The following SCAP variants were observed in gnomAD, a reference collection of about 807,000 sequenced individuals.
SCAP encodes sterol regulatory element-binding protein cleavage-activating protein.
SCAP carries 65 observed loss-of-function variants against 123.6 expected under a neutral mutation model. The ratio of observed to expected loss-of-function variants is 0.53; its 90% confidence interval spans 0.43 to 0.65. The LOEUF is 0.65. Among genes scored for constraint, SCAP ranks in the 30% least tolerant of loss-of-function variants. The probability of loss-of-function intolerance (pLI) is 0.00; values close to 1 mark genes in which losing one functional copy is unlikely to be tolerated. For missense variants in SCAP, 1,398 were observed against 1,712.5 expected (o/e 0.82, Z 3.24); for synonymous variants, 740 against 726.3 (o/e 1.02, Z -0.30).
chr3:47,414,660 AG>A lies in SCAP; in HGVS notation c.3307-9del, dbSNP rs760858625. On this transcript the variant is annotated splice_polypyrimidine_tract_variant and intron_variant, in intron 20 of 22. Transcript: ENST00000265565. Reference sequence around the variant, plus strand: ...GTCCTCCAGACGGAACACCTGGGACAGGGATGGGCCTCAGGTTCTGGTCTCT... The same window carrying A: ...GTCCTCCAGACGGAACACCTGGGACAGGATGGGCCTCAGGTTCTGGTCTCT... 2 of 1,613,254 alleles carry A rather than the reference AG, an allele frequency of 1.2e-6. No individual in the cohort carries two copies. The highest frequency in any genetic ancestry group is 1.7e-6 in the Non-Finnish European group (2 of 1,179,994).
intron 1 of SCAP, among the ~76,000 whole-genome samples, chr3:47,454,852 G>A (rs993212149): frequency 1.3e-5 from 2 of 151,474 alleles, no homozygotes; most frequent in African/African-American, 4.8e-5. Context: ...AGCCCAATGG[G>A]AACACACTAG....
At chr3:47,464,928 C>A (rs1393796601) in intron 1 of SCAP, among the ~76,000 whole-genome samples, 2 of 152,074 alleles carry the variant, frequency 1.3e-5, no homozygotes, top group Non-Finnish European at 2.9e-5. Flanking sequence ...TTGTAGGATG[C>A]AAAATGAACA....
Position 47,414,366 on chromosome 3 carries a change from T to C in SCAP, c.3408A>G (p.Gly1136=). 1 of 1,612,828 alleles carries C rather than the reference T, an allele frequency of 6.2e-7. No individual in the cohort carries two copies. Among genetic ancestry groups the C allele is most frequent in the South Asian group, 1.1e-5 (1 of 91,076 alleles). ...ACAGGCAGATGGCCCCATCTTGTCC[T>C]CCACTGGCCAGCACCATGGTCTGGG... ...YIDQTMVLAS[G]GQDGAICLWD... The change falls in exon 22 of 23, where the codon GGA becomes GGG. Residue 1136 remains glycine (G), a synonymous_variant. Transcript: ENST00000265565.
At chr3:47,421,698 ATAC>A (rs1283227234) in intron 10 of SCAP, among the ~76,000 whole-genome samples, 2 of 152,222 alleles carry the variant, frequency 1.3e-5, no homozygotes, top group African/African-American at 4.8e-5. Flanking sequence ...TATCCTGCAG[ATAC>A]TACTGTTTTT....
At chr3:47,471,709 T>A (rs371389974) in intron 1 of SCAP, among the ~76,000 whole-genome samples, 1 of 152,102 alleles carries the variant, frequency 6.6e-6, no homozygotes, top group African/African-American at 2.4e-5. Context: ...AAATGCTAAA[T>A]ATCAAATAAG....
At position 47,450,972 on chromosome 3, in the gene SCAP, G is replaced by A. The variant is rs1458213453; in HGVS notation, c.-98-7881C>T. On this transcript the variant is annotated intron_variant, in intron 1 of 22. Transcript: ENST00000265565. ...CGCAGTCCTCCCAGCTCAGCTTCCC[G>A]TGTAGCTAGGATTACAGGCATGTGC... Among the ~76,000 whole-genome samples, 6 of 120,208 alleles carry A rather than the reference G, an allele frequency of 5.0e-5. 2 individuals carry two copies. Among genetic ancestry groups the A allele is most frequent in the African/African-American group, 1.1e-4 (4 of 35,052 alleles). The allele number at this position is 120,208 out of a possible 152,430, so 78.9% of individuals were successfully genotyped here. A position where few individuals can be genotyped will look rare whatever the true frequency, so the allele number is the denominator to read the frequency against.
intron 18 of SCAP, 34 bp downstream of exon 18, chr3:47,417,088 G>C: frequency 6.3e-7 from 1 of 1,587,090 alleles, no homozygotes. Flanking sequence ...AACAAAGGCT[G>C]GGGACATCTG....
intron 3 of SCAP, among the ~76,000 whole-genome samples, chr3:47,433,095 C>G (rs1377254692): frequency 6.6e-6 from 1 of 152,214 alleles, no homozygotes. Flanking sequence ...TTTTGAGGCT[C>G]AAACTATATC....
intron 3 of SCAP, among the ~76,000 whole-genome samples, chr3:47,430,117 T>G (rs1431272058): frequency 6.6e-6 from 1 of 152,214 alleles, no homozygotes; most frequent in Non-Finnish European, 1.5e-5. Context: ...TCTGAAAGAT[T>G]AGCAGAAATA....
intron 3 of SCAP, among the ~76,000 whole-genome samples, chr3:47,429,750 C>T (rs1487077979): frequency 2.0e-5 from 3 of 152,346 alleles, no homozygotes; most frequent in South Asian, 2.1e-4. Flanking sequence ...TTGTCTATGG[C>T]TGCTTTCACT....
At chr3:47,424,879 C>T (rs998173132) in intron 8 of SCAP, among the ~76,000 whole-genome samples, 1 of 152,138 alleles carries the variant, frequency 6.6e-6, no homozygotes, top group Non-Finnish European at 1.5e-5. Flanking sequence ...CTAGCCAGAG[C>T]CAAGATCAAA....
Position 47,417,294 on chromosome 3 carries a change from CT to C in SCAP, c.2970+9del. On this transcript the variant is annotated intron_variant, in intron 17 of 22. Coordinates refer to ENST00000265565, the MANE Select transcript of SCAP (RefSeq NM_012235.4). Reference sequence around the variant, plus strand: ...CAGCCGCTCTGCCCACCTTTAGCCCCTCTGCCCACCTCCAGCCGGCCGCTGC... The same window carrying C: ...CAGCCGCTCTGCCCACCTTTAGCCCCCTGCCCACCTCCAGCCGGCCGCTGC... The C allele has an allele frequency of 6.2e-7, 1 of 1,612,138 alleles. No homozygotes were observed.
chr3:47,419,807 G>A lies in SCAP; in HGVS notation c.1564-103C>T. 1.4e-6 allele frequency: 2 copies of A among 1,379,516 alleles called. No individual in the cohort carries two copies. Among genetic ancestry groups the A allele is most frequent in the African/African-American group, 1.5e-5 (1 of 68,760 alleles). The allele number at this position is 1,379,516 out of a possible 1,614,324, so 85.5% of individuals were successfully genotyped here. ...AGCAGCACAGGGACCTCAGGCCTGG[G>A]GATGGAGAGAGGACACAGGCCCCAC... is the stretch of plus-strand genomic sequence containing the variant. On this transcript the variant is annotated intron_variant, in intron 12 of 22. Transcript: ENST00000265565. This position sits in a 1 kb window ranked among gnomAD's most constrained non-coding sequence, Gnocchi z 5.0.
At chr3:47,432,488 C>T (rs1249054985) in intron 3 of SCAP, among the ~76,000 whole-genome samples, 1 of 151,974 alleles carries the variant, frequency 6.6e-6, no homozygotes. Flanking sequence ...AGTATAGGAT[C>T]TCCTCAAGGA....
upstream of SCAP, among the ~76,000 whole-genome samples, chr3:47,476,391 G>T (rs1000534482): frequency 9.2e-5 from 14 of 152,146 alleles, no homozygotes; most frequent in African/African-American, 3.4e-4. Flanking sequence ...AGCCCGGGAG[G>T]TCGAGGCCAC....
At chr3:47,421,814 C>T (rs1330453757) in intron 10 of SCAP, among the ~76,000 whole-genome samples, 1 of 152,288 alleles carries the variant, frequency 6.6e-6, no homozygotes, top group East Asian at 1.9e-4. Context: ...ATGGCATCCT[C>T]CCCTTCCTGC....
intron 8 of SCAP, 43 bp from the exon 9 acceptor site, chr3:47,424,088 T>C: frequency 6.8e-7 from 1 of 1,470,948 alleles, no homozygotes; most frequent in Non-Finnish European, 9.5e-7. Flanking sequence ...GTTGTGGTGG[T>C]TCCCAACAGA....
Position 47,419,760 on chromosome 3 carries a change from T to G in SCAP, c.1564-56A>C, listed in dbSNP as rs923480815. 10 of 1,500,780 alleles carry G rather than the reference T, an allele frequency of 6.7e-6. No individual in the cohort carries two copies. In the African/African-American group the frequency reaches 1.3e-4, roughly 19 times the overall value. 93.0% of individuals were successfully genotyped at this position (1,500,780 alleles called of 1,614,324 possible). A position where few individuals can be genotyped will look rare whatever the true frequency, so the allele number is the denominator to read the frequency against. On this transcript the variant is annotated intron_variant, in intron 12 of 22. Coordinates refer to ENST00000265565, the MANE Select transcript of SCAP (RefSeq NM_012235.4). The surrounding 1 kb of genome is among the most constrained non-coding windows in gnomAD (Gnocchi z 5.0). ...GGAATGGGCCCCAACCCCCAGCAGC[T>G]TCAGCCCTCATGCTGAGAGGAAGCA...
intron 1 of SCAP, among the ~76,000 whole-genome samples, chr3:47,460,203 A>G (rs1707578218): frequency 6.6e-6 from 1 of 152,208 alleles, no homozygotes; most frequent in Non-Finnish European, 1.5e-5. Flanking sequence ...ACGTTTTACA[A>G]TCAATTTGTA....
Sources: gnomAD v4.1 joint callset for allele counts (sites outside exome capture counted in the v4.1 genomes callset) on GRCh38, gnomAD v4.1.1 for gene constraint, Gnocchi (gnomAD v3.1) non-coding constraint, MANE v1.5 for transcripts, NCBI Gene and HGNC (gene_info 2026-07-23, HGNC 2026-07-21) for gene names.